RAB2B: variants seen among roughly 807,000 people sequenced by gnomAD.
RAB2B encodes RAB2B, member RAS oncogene family, also known as ras-related protein Rab-2B.
In RAB2B, 20 loss-of-function variants were observed where a neutral mutation model predicts 29.8. The ratio of observed to expected loss-of-function variants is 0.67; its 90% CI spans 0.47 to 0.97. RAB2B has a LOEUF of 0.97. Among genes scored for constraint, RAB2B ranks in the 50% least tolerant of loss-of-function variants. The pLI is 0.00. For missense variants in RAB2B, 218 were observed against 272.0 expected (o/e 0.80, Z 1.40); for synonymous variants, 93 against 91.7 (o/e 1.01, Z -0.08).
At chr14:21,476,753 C>G (rs774021114) in intron 1 of RAB2B, 74 bp downstream of exon 1, 15 of 1,549,570 alleles carry the variant, frequency 9.7e-6, no homozygotes, top group Admixed American at 7.0e-5. Flanking sequence ...ACAAAGTGAG[C>G]CCCGCCCCCG....
intron 1 of RAB2B, 28 bp from the exon 2 acceptor site, chr14:21,476,627 C>A (rs771075401): frequency 6.2e-7 from 1 of 1,613,724 alleles, no homozygotes. Context: ...CTCCCGGAAT[C>A]ACGCAGCCCT....
intron 3 of RAB2B, among the ~76,000 whole-genome samples, chr14:21,473,729 A>C (rs537175418): frequency 6.6e-6 from 1 of 151,880 alleles, no homozygotes; most frequent in Non-Finnish European, 1.5e-5. Context: ...AATACAAAAA[A>C]CGTCCGGGAG....
intron 4 of RAB2B, 106 bp from the exon 5 acceptor site, chr14:21,468,555 A>G (rs998726832): frequency 7.7e-7 from 1 of 1,294,984 alleles, no homozygotes; most frequent in African/African-American, 1.5e-5. Flanking sequence ...AAAGAAAAAT[A>G]TTAGAGAGGC....
chr14:21,468,246 T>G (rs1013333340), intron 5 of RAB2B, 111 bp downstream of exon 5: 2 of 778,826 alleles, frequency 2.6e-6, no homozygotes, highest in Non-Finnish European at 4.1e-6. Flanking sequence ...AAAATTTTTT[T>G]TTTTTACTGA....
At chr14:21,476,106 C>G (rs966486592) in intron 2 of RAB2B, among the ~76,000 whole-genome samples, 1 of 152,178 alleles carries the variant, frequency 6.6e-6, no homozygotes, top group African/African-American at 2.4e-5. Context: ...CCTATTAATT[C>G]TAAGGCAGGG....
chr14:21,464,183 C>T (rs962522278), intron 5 of RAB2B, among the ~76,000 whole-genome samples: 5 of 152,122 alleles, frequency 3.3e-5, no homozygotes, highest in South Asian at 2.1e-4. Flanking sequence ...AGGTGGATCA[C>T]GAGTTCAGGA....
At chr14:21,462,010 T>G (rs2139591507) in intron 7 of RAB2B, among the ~76,000 whole-genome samples, 1 of 152,290 alleles carries the variant, frequency 6.6e-6, no homozygotes, top group African/African-American at 2.4e-5. Context: ...GAATTTACTT[T>G]ATAGAAATTA....
intron 3 of RAB2B, among the ~76,000 whole-genome samples, chr14:21,473,971 C>T (rs1014592776): frequency 7.9e-5 from 12 of 152,022 alleles, no homozygotes; most frequent in Non-Finnish European, 1.8e-4. Flanking sequence ...GAGATCACGC[C>T]ACTGCACTCC....
rs1890899545 is a variant in RAB2B, at chr14:21,474,481, CATGT to C, written c.186+382_186+385del. 3 of 194,116 alleles carry C rather than the reference CATGT, an allele frequency of 1.5e-5. No individual in the cohort carries two copies. The South Asian group carries it at 2.9e-4, about 19-fold the overall frequency. 12.0% of individuals were successfully genotyped at this position (194,116 alleles called of 1,614,324 possible). A position where few individuals can be genotyped will look rare whatever the true frequency, so the allele number is the denominator to read the frequency against. ...ACTACCATATATTTCTATGTGTTTA[CATGT>C]ATGTATCTAAATGCATAGAAAAAGT... On this transcript the variant is annotated intron_variant, in intron 3 of 7. Coordinates refer to ENST00000397762, the MANE Select transcript of RAB2B (RefSeq NM_032846.4).
At chr14:21,474,812 C>T in intron 3 of RAB2B, 55 bp downstream of exon 3, 1 of 1,448,622 alleles carries the variant, frequency 6.9e-7, no homozygotes, top group Non-Finnish European at 9.7e-7. Flanking sequence ...TTTGCATCAG[C>T]TTTTCTTGTT....
chr14:21,476,868 G>C lies in RAB2B; in HGVS notation c.5C>G (p.Thr2Ser). Reference protein sequence around the residue: MTYAYLFKYIII... With the variant: MSYAYLFKYIII... ...GATATACTTGAAGAGATAAGCATAA[G>C]TCATGGTGTCGCGTCCTCTGGGTTC... Residue 2 changes from threonine to serine, a missense_variant, in exon 1 of 8, where the codon ACT becomes AGT. Transcript: ENST00000397762. The C allele has an allele frequency of 1.9e-6, 3 of 1,613,440 alleles. No homozygotes were observed. Among genetic ancestry groups the C allele is most frequent in the Non-Finnish European group, 2.5e-6 (3 of 1,180,016 alleles).
At position 21,476,532 on chromosome 14, in the gene RAB2B, T is replaced by C. The variant is rs1890972676; in HGVS notation, c.114A>G (p.Thr38=). Residue 38 remains threonine, a synonymous_variant, in exon 2 of 8, where the codon ACA becomes ACG. Transcript: ENST00000397762. ...GGAACAAGTAGATGCACTTACCTAT[T>C]GTGAGGTCGTGGACAGGCTGGAACC... The part of the protein sequence containing the change: ...DKRFQPVHDL[T]IGVEFGARMV... 6 of 1,613,658 alleles carry C rather than the reference T, an allele frequency of 3.7e-6. No individual in the cohort carries two copies. The highest frequency in any genetic ancestry group is 3.3e-5 in the Admixed American group (2 of 60,008).
At chr14:21,470,044 C>G (rs987326576) in intron 3 of RAB2B, among the ~76,000 whole-genome samples, 2 of 151,364 alleles carry the variant, frequency 1.3e-5, no homozygotes, top group African/African-American at 4.9e-5. Flanking sequence ...CTCCGCCTCC[C>G]AGGTTCAAGC....
chr14:21,475,016 T>G, intron 2 of RAB2B, 82 bp from the exon 3 acceptor site: 1 of 1,067,088 alleles, frequency 9.4e-7, no homozygotes, highest in South Asian at 1.3e-5. Flanking sequence ...CTTTCCTCAA[T>G]GTGTTATAAC....
At position 21,459,674 on chromosome 14, in the gene RAB2B, A is replaced by G. The variant is rs1470228536; in HGVS notation, c.*1522T>C. The G allele has an allele frequency of 1.3e-5, 2 of 152,830 alleles. No homozygotes were observed. Among genetic ancestry groups the G allele is most frequent in the East Asian group, 3.8e-4 (2 of 5,208 alleles). The allele number at this position is 152,830 out of a possible 1,614,324, so 9.5% of individuals were successfully genotyped here. Reference sequence around the variant, plus strand: ...ATAAATAGACATATGAATAACCAACATATGAAAACTAAGGAATATTGTGTT... The same window carrying G: ...ATAAATAGACATATGAATAACCAACGTATGAAAACTAAGGAATATTGTGTT... On this transcript the variant is annotated 3_prime_UTR_variant, in exon 8 of 8. Coordinates refer to ENST00000397762, the MANE Select transcript of RAB2B (RefSeq NM_032846.4).
At chr14:21,470,939 G>C (rs2139602654) in intron 3 of RAB2B, among the ~76,000 whole-genome samples, 1 of 144,484 alleles carries the variant, frequency 6.9e-6, no homozygotes, top group East Asian at 2.0e-4. Context: ...CACGAGGTCA[G>C]GAGTTTGAGA....
At chr14:21,476,744 C>A in intron 1 of RAB2B, 83 bp downstream of exon 1, 1 of 1,594,630 alleles carries the variant, frequency 6.3e-7, no homozygotes, top group South Asian at 1.1e-5. Flanking sequence ...GCCCAGCCCA[C>A]AAAGTGAGCC....
chr14:21,465,059 A>G (rs1177906068), intron 5 of RAB2B, among the ~76,000 whole-genome samples: 1 of 152,156 alleles, frequency 6.6e-6, no homozygotes, highest in African/African-American at 2.4e-5. Context: ...GCTGTTTGTG[A>G]TTCGTATTTT....
Position 21,462,379 on chromosome 14 carries a change from G to C in RAB2B, c.514C>G (p.Gln172Glu). The change falls in exon 7 of 8, where the codon CAG becomes GAG. Residue 172 changes from glutamine to glutamate, a missense_variant. Transcript: ENST00000397762. ...NTAKEIYRKI[Q>E]QGLFDVHNEA... The stretch of plus-strand genomic sequence containing the variant: ...TTGTGGACATCAAATAAACCCTGCT[G>C]GATCTTCCTATATATTTCTTTGGCT... The C allele has an allele frequency of 1.2e-6, 2 of 1,613,546 alleles. No homozygotes were observed. Among genetic ancestry groups the C allele is most frequent in the Non-Finnish European group, 1.7e-6 (2 of 1,179,738 alleles).
Sources: allele counts gnomAD v4.1 joint callset (sites outside exome capture counted in the v4.1 genomes callset), GRCh38; gene constraint gnomAD v4.1.1; transcripts MANE v1.5; gene names NCBI Gene and HGNC (gene_info 2026-07-23, HGNC 2026-07-21).